RACK1: variants seen among roughly 807,000 people sequenced by gnomAD.
RACK1 encodes the protein small ribosomal subunit protein RACK1.
In RACK1, 3 loss-of-function variants were observed where a neutral mutation model predicts 42.2. The observed-to-expected ratio is 0.07, with a 90% CI of 0.03 to 0.18. The LOEUF is 0.18. Among genes scored for constraint, RACK1 ranks in the 10% least tolerant of loss-of-function variants. The pLI is 1.00. For missense variants in RACK1, 146 were observed against 403.2 expected, an observed-to-expected ratio of 0.36 and a Z score of 5.46; for synonymous variants, 181 against 154.8, an observed-to-expected ratio of 1.17 and a Z score of -1.25.
intron 3 of RACK1, among the ~76,000 whole-genome samples, 196 bp from the exon 4 acceptor site, chr5:181,239,778 G>A (rs545224411): frequency 5.3e-5 from 8 of 152,322 alleles, no homozygotes; most frequent in Non-Finnish European, 7.4e-5. Context: ...GTGGCTGGAC[G>A]CAGAAGCTCA....
rs992046613 is a variant in RACK1, at chr5:181,239,834, C to G, written c.430-252G>C. On this transcript the variant is annotated intron_variant, in intron 3 of 7. Coordinates refer to ENST00000512805, the MANE Select transcript of RACK1 (RefSeq NM_006098.5). ...GCGAGGTAAGTGGATCACCTGAGGT[C>G]AGGAGTTTGAGACCAGCCTGGCCAA... is the stretch of plus-strand genomic sequence containing the variant. Among the ~76,000 whole-genome samples, 5 of 152,202 alleles carry G rather than the reference C, an allele frequency of 3.3e-5. No individual in the cohort carries two copies. In the East Asian group the frequency reaches 9.6e-4, roughly 29 times the overall value.
At position 181,238,885 on chromosome 5, in the gene RACK1, A is replaced by T. The variant is rs1360219802; in HGVS notation, c.636+182T>A. Reference sequence around the variant, plus strand: ...AAATCATCTTTTTCTTCCAGATAGTATGCCTTAACTGTCATTTGCTGAAAG... The same window carrying T: ...AAATCATCTTTTTCTTCCAGATAGTTTGCCTTAACTGTCATTTGCTGAAAG... On this transcript the variant is annotated intron_variant, in intron 5 of 7. Transcript: ENST00000512805. 5 of 678,460 alleles carry T rather than the reference A, an allele frequency of 7.4e-6. No individual in the cohort carries two copies. In the South Asian group the frequency reaches 7.4e-5, roughly 10 times the overall value. 42.0% of individuals were successfully genotyped at this position (678,460 alleles called of 1,614,324 possible). A position where few individuals can be genotyped will look rare whatever the true frequency, so the allele number is the denominator to read the frequency against.
intron 1 of RACK1, chr5:181,242,863 T>C: frequency 3.0e-6 from 1 of 330,272 alleles, no homozygotes; most frequent in Non-Finnish European, 5.9e-6. Context: ...CCAGCCTGTA[T>C]CCTGAGAACT....
intron 1 of RACK1, 192 bp from the exon 2 acceptor site, chr5:181,242,537 G>A (rs773001596): frequency 7.5e-5 from 51 of 680,904 alleles, no homozygotes; most frequent in Non-Finnish European, 9.1e-5. Flanking sequence ...AAAAACGCAC[G>A]TAGAGGTAAA....
At chr5:181,243,625 C>T in intron 1 of RACK1, 67 bp downstream of exon 1, 1 of 1,531,688 alleles carries the variant, frequency 6.5e-7, no homozygotes, top group East Asian at 2.4e-5. Context: ...ACGCGGAATT[C>T]CCTACACGAC....
intron 5 of RACK1, 53 bp downstream of exon 5, chr5:181,239,014 T>C: frequency 8.6e-7 from 1 of 1,160,466 alleles, no homozygotes. Context: ...GGCTAAGTGC[T>C]CCTTCCATGA....
chr5:181,243,487 G>A, intron 1 of RACK1: 3 of 1,449,512 alleles, frequency 2.1e-6, no homozygotes, highest in Non-Finnish European at 2.8e-6. Context: ...TGTACACGTA[G>A]GTTCTCATCT....
chr5:181,237,065 A>G (rs774472032), intron 7 of RACK1, 23 bp from the exon 8 acceptor site: 1 of 1,612,822 alleles, frequency 6.2e-7, no homozygotes, highest in Admixed American at 1.7e-5. Context: ...AATGACAGTG[A>G]CAGGTCAGGC....
chr5:181,241,472 T>C lies in RACK1; in HGVS notation c.429+20A>G. The stretch of plus-strand genomic sequence containing the variant: ...AAGTTTAAGAGGGTGGAAGAGATCC[T>C]TGGAGATGGCTCACTTTACCTGGAC... On this transcript the variant is annotated intron_variant, in intron 3 of 7. Transcript: ENST00000512805. 1 of 1,583,182 alleles carries C rather than the reference T, an allele frequency of 6.3e-7. No individual in the cohort carries two copies. The highest frequency in any genetic ancestry group is 8.6e-7 in the Non-Finnish European group (1 of 1,160,586).
chr5:181,243,641 G>A, intron 1 of RACK1, 51 bp downstream of exon 1: 1 of 1,546,588 alleles, frequency 6.5e-7, no homozygotes. Flanking sequence ...ACGACACGCG[G>A]AATCCCCCAG....
Position 181,237,046 on chromosome 5 carries a change from C to T in RACK1, c.889-4G>A, listed in dbSNP as rs879223282. On this transcript the variant is annotated splice_polypyrimidine_tract_variant and splice_region_variant and intron_variant, in intron 7 of 7. Transcript: ENST00000512805. ...CCGTGTAGCCAGCAAACAGAGTCTG[C>T]AGGGAAGAAATGACAGTGACAGGTC... 2.5e-6 allele frequency: 4 copies of T among 1,613,710 alleles called. No individual in the cohort carries two copies. Among genetic ancestry groups the T allele is most frequent in the Non-Finnish European group, 3.4e-6 (4 of 1,179,902 alleles).
chr5:181,242,135 T>A, intron 2 of RACK1, 39 bp downstream of exon 2: 1 of 1,577,032 alleles, frequency 6.3e-7, no homozygotes, highest in Non-Finnish European at 8.6e-7. Context: ...CTGCCCAGAT[T>A]CTTCCCAAGG....
At position 181,241,623 on chromosome 5, in the gene RACK1, G is replaced by T. The variant is rs765631889; in HGVS notation, c.298C>A (p.Arg100=). Residue 100 remains arginine, a synonymous_variant, in exon 3 of 8, where the codon CGA becomes AGA. Coordinates refer to ENST00000512805, the MANE Select transcript of RACK1 (RefSeq NM_006098.5). ...WDLTTGTTTR[R]FVGHTKDVLS... ...ACATCCTTGGTATGGCCCACAAATC[G>T]CCTCGTGGTGGTGCCCCTGAGAGGG... 5 of 1,614,016 alleles carry T rather than the reference G, an allele frequency of 3.1e-6. No homozygotes were observed. The highest frequency in any genetic ancestry group is 4.2e-6 in the Non-Finnish European group (5 of 1,179,962).
rs767959123 is a variant in RACK1 at position 181,243,814 on chromosome 5, G to T, written c.-14C>A. On this transcript the variant is annotated 5_prime_UTR_variant, in exon 1 of 8. Coordinates refer to ENST00000512805, the MANE Select transcript of RACK1 (RefSeq NM_006098.5). ...CTGCTCAGTCATGGCGGCGGCGAGA[G>T]CGTGTGTCGCTGCAGCGACGAGGAT... 1 of 1,593,910 alleles carries T rather than the reference G, an allele frequency of 6.3e-7. No homozygotes were observed. The highest frequency in any genetic ancestry group is 8.5e-7 in the Non-Finnish European group (1 of 1,170,284).
chr5:181,242,919 C>T (rs1487250833), intron 1 of RACK1: 1 of 330,050 alleles, frequency 3.0e-6, no homozygotes, highest in East Asian at 9.0e-5. Context: ...GAAACTCAGA[C>T]GAACTCAACA....
chr5:181,236,941 G>GTTTTTTTT lies in RACK1; in HGVS notation c.*28_*35dup. 2 of 1,371,372 alleles carry GTTTTTTTT rather than the reference G, an allele frequency of 1.5e-6. No homozygotes were observed. Among genetic ancestry groups the GTTTTTTTT allele is most frequent in the African/African-American group, 2.9e-5 (2 of 68,978 alleles). The allele number at this position is 1,371,372 out of a possible 1,614,324, so 85.0% of individuals were successfully genotyped here. A position where few individuals can be genotyped will look rare whatever the true frequency, so the allele number is the denominator to read the frequency against. ...AAAAACCTAAAAGTCAGAAAAGCCAGTTTTTTTTTTATTTGTAAAGCTCTG... is the reference window on the plus strand; with the variant it reads ...AAAAACCTAAAAGTCAGAAAAGCCAGTTTTTTTTTTTTTTTTTTATTTGTAAAGCTCTG... On this transcript the variant is annotated 3_prime_UTR_variant, in exon 8 of 8. Coordinates refer to ENST00000512805, the MANE Select transcript of RACK1 (RefSeq NM_006098.5).
At chr5:181,239,698 C>T (rs1759267834) in intron 3 of RACK1, 116 bp from the exon 4 acceptor site, 1 of 656,398 alleles carries the variant, frequency 1.5e-6, no homozygotes, top group Non-Finnish European at 2.7e-6. Context: ...AAACCAAGAA[C>T]CCAAACCTTT....
At chr5:181,238,410 G>C (rs193125580) in intron 5 of RACK1, 171 bp from the exon 6 acceptor site, 10 of 630,970 alleles carry the variant, frequency 1.6e-5, no homozygotes, top group Middle Eastern at 7.0e-4. Flanking sequence ...TTCCTTTAAC[G>C]TAAGACCTTA....
intron 5 of RACK1, chr5:181,238,533 G>A (rs111776833): frequency 7.8e-4 from 288 of 367,662 alleles, no homozygotes; most frequent in African/African-American, 5.1e-3. Context: ...GGCTGGGTGC[G>A]GTGGCTCATG....
Sources: gnomAD v4.1 joint callset for allele counts (sites outside exome capture counted in the v4.1 genomes callset) on GRCh38, gnomAD v4.1.1 for gene constraint, MANE v1.5 for transcripts, NCBI Gene and HGNC (gene_info 2026-07-23, HGNC 2026-07-21) for gene names.